PHEX: variants seen among roughly 807,000 people sequenced by gnomAD.
PHEX encodes the protein phosphate-regulating neutral endopeptidase PHEX.
PHEX carries 16 observed loss-of-function variants against 68.0 expected under a neutral mutation model. That is an observed-to-expected ratio of 0.24 (90% confidence interval 0.16 to 0.36). PHEX has a LOEUF of 0.36. Among genes scored for constraint, PHEX ranks in the 10% least tolerant of loss-of-function variants. PHEX has a pLI of 1.00. For synonymous variants in PHEX, 208 were observed against 205.1 expected, an observed-to-expected ratio of 1.01 and a Z score of -0.12; for missense variants, 480 against 575.5, an observed-to-expected ratio of 0.83 and a Z score of 1.70.
intron 6 of PHEX, among the ~76,000 whole-genome samples, chrX:22,090,724 T>A (rs1289943689): frequency 8.9e-6 from 1 of 112,149 alleles, no homozygotes; most frequent in African/African-American, 3.2e-5. Flanking sequence ...TTATCTAGCT[T>A]GGGAGACAGC....
chrX:22,195,294 T>C (rs1027271304), intron 15 of PHEX, among the ~76,000 whole-genome samples: 1 of 112,017 alleles, frequency 8.9e-6, no homozygotes, highest in Non-Finnish European at 1.9e-5. Flanking sequence ...TTCAAACTTT[T>C]GCCCTCAAGA....
chrX:22,229,812 GC>G (rs1935649109), intron 20 of PHEX, among the ~76,000 whole-genome samples: 1 of 112,001 alleles, frequency 8.9e-6, no homozygotes, highest in Non-Finnish European at 1.9e-5. Flanking sequence ...TGAAGTCTTT[GC>G]CCATGCCTAT....
At chrX:22,151,615 G>A (rs776512731) in intron 12 of PHEX, among the ~76,000 whole-genome samples, 58 of 111,261 alleles carry the variant, frequency 5.2e-4, no homozygotes, top group South Asian at 2.3e-3. Context: ...TTCTCTCCCC[G>A]AGGTGCCATT....
intron 18 of PHEX, 30 bp from the exon 19 acceptor site, chrX:22,226,413 T>A (rs773626221): frequency 2.2e-5 from 13 of 597,892 alleles, no homozygotes; most frequent in Non-Finnish European, 3.2e-5. Flanking sequence ...ACGCATTCAT[T>A]TTTTTTTTTT....
intron 1 of PHEX, among the ~76,000 whole-genome samples, chrX:22,036,885 T>C (rs1185830786): frequency 5.5e-5 from 6 of 108,722 alleles, no homozygotes; most frequent in East Asian, 2.9e-4. Context: ...ATCATGAGGT[T>C]AGGAGATCGA....
chrX:22,045,632 A>G (rs758493197), intron 2 of PHEX, among the ~76,000 whole-genome samples: 1 of 112,776 alleles, frequency 8.9e-6, no homozygotes, highest in South Asian at 3.6e-4. Context: ...AGATCAGTCT[A>G]TTGTGTCTTT....
intron 3 of PHEX, among the ~76,000 whole-genome samples, chrX:22,067,126 C>T (rs758718344): frequency 1.3e-4 from 14 of 109,865 alleles, no homozygotes; most frequent in Non-Finnish European, 2.7e-4. Context: ...CCTGTGGTCC[C>T]AGCTACTCAG....
intron 3 of PHEX, among the ~76,000 whole-genome samples, chrX:22,062,993 T>G (rs753135402): frequency 2.2e-4 from 24 of 111,474 alleles, no homozygotes; most frequent in Non-Finnish European, 1.5e-4. Context: ...ACCCCTGACC[T>G]CAAGTGATCC....
chrX:22,104,002 C>T lies in PHEX; in HGVS notation c.1079+4851C>T, dbSNP rs142832331. Among the ~76,000 whole-genome samples, 923 of 111,971 alleles carry T rather than the reference C, an allele frequency of 8.2e-3. 8 individuals are homozygous for T. Among genetic ancestry groups the T allele is most frequent in the South Asian group, 0.017 (46 of 2,706 alleles). The stretch of plus-strand genomic sequence containing the variant: ...TGATTTTTGATTATGGCCATTCTCA[C>T]AGGAGTGAGGTGGTATCTCATTGTG... On this transcript the variant is annotated intron_variant, in intron 9 of 21. Coordinates refer to ENST00000379374, the MANE Select transcript of PHEX (RefSeq NM_000444.6).
At position 22,233,374 on chromosome X, in the gene PHEX, A is replaced by C. The variant is rs145416146; in HGVS notation, c.2070+5763A>C. Among the ~76,000 whole-genome samples, 232 of 111,330 alleles carry C rather than the reference A, an allele frequency of 2.1e-3. 2 individuals carry two copies. The highest frequency in any genetic ancestry group is 7.1e-3 in the African/African-American group (216 of 30,592). Reference sequence around the variant, plus strand: ...TGGGCCTGTCTTGCTAGGGAGGGGAAGTTCTCCTGGATAATATCCTGAAGA... The same window carrying C: ...TGGGCCTGTCTTGCTAGGGAGGGGACGTTCTCCTGGATAATATCCTGAAGA... On this transcript the variant is annotated intron_variant, in intron 20 of 21. Coordinates refer to ENST00000379374, the MANE Select transcript of PHEX (RefSeq NM_000444.6).
intron 20 of PHEX, among the ~76,000 whole-genome samples, chrX:22,243,663 C>A (rs1936301077): frequency 8.9e-6 from 1 of 112,135 alleles, no homozygotes; most frequent in South Asian, 3.7e-4. Context: ...ATGCAGCCAA[C>A]AAACATATGA....
At chrX:22,041,265 C>CTCTATATATATA (rs1468778300) in intron 2 of PHEX, among the ~76,000 whole-genome samples, 7 of 72,817 alleles carry the variant, frequency 9.6e-5, no homozygotes, top group East Asian at 4.3e-4. Context: ...CTCTCTCTCT[C>CTCTATATATATA]TATATATATA....
At chrX:22,134,671 A>G (rs1389256436) in intron 12 of PHEX, among the ~76,000 whole-genome samples, 1 of 112,725 alleles carries the variant, frequency 8.9e-6, no homozygotes, top group African/African-American at 3.2e-5. Flanking sequence ...TGGGTGGAGC[A>G]TACCTGCTAG....
At chrX:22,040,251 C>G (rs1602246099) in intron 2 of PHEX, among the ~76,000 whole-genome samples, 1 of 112,152 alleles carries the variant, frequency 8.9e-6, no homozygotes, top group Non-Finnish European at 1.9e-5. Flanking sequence ...AACAAATTCA[C>G]CAAATATTTG....
chrX:22,157,023 C>T (rs1932969678), intron 12 of PHEX, among the ~76,000 whole-genome samples: 1 of 111,444 alleles, frequency 9.0e-6, no homozygotes, highest in Non-Finnish European at 1.9e-5. Flanking sequence ...GCTGGGATTT[C>T]AGGTGCAAGC....
Position 22,237,302 on chromosome X carries a change from G to A in PHEX, c.2071-8031G>A, listed in dbSNP as rs189499862. ...CAGCTTCTGAGGAAATCAAGGGATCGCATTACAAAACATCATCTTCAAAGT... is the reference window on the plus strand; with the variant it reads ...CAGCTTCTGAGGAAATCAAGGGATCACATTACAAAACATCATCTTCAAAGT... On this transcript the variant is annotated intron_variant, in intron 20 of 21. Coordinates refer to ENST00000379374, the MANE Select transcript of PHEX (RefSeq NM_000444.6). 8.0e-5 allele frequency among the ~76,000 whole-genome samples: 9 copies of A among 111,895 alleles called. No individual in the cohort carries two copies. In the East Asian group the frequency reaches 1.1e-3, roughly 14 times the overall value.
chrX:22,080,562 C>A (rs1309490295), intron 5 of PHEX, among the ~76,000 whole-genome samples: 5 of 111,479 alleles, frequency 4.5e-5, no homozygotes, highest in Non-Finnish European at 9.4e-5. Flanking sequence ...AATTAGCGTA[C>A]TGGTGGCTGC....
intron 15 of PHEX, among the ~76,000 whole-genome samples, chrX:22,208,324 G>A (rs969725432): frequency 2.7e-5 from 3 of 111,686 alleles, no homozygotes; most frequent in Non-Finnish European, 5.6e-5. Flanking sequence ...TATGTAAGAA[G>A]ATAAATGGTA....
chrX:22,098,112 T>A (rs77048059), intron 8 of PHEX: 17,954 of 104,508 alleles, frequency 0.17, 1,280 homozygotes, highest in Admixed American at 0.22. Flanking sequence ...TTTTTTTTTT[T>A]AAAAACTGTG....
Sources: gnomAD v4.1 joint callset for allele counts (sites outside exome capture counted in the v4.1 genomes callset) on GRCh38, gnomAD v4.1.1 for gene constraint, MANE v1.5 for transcripts, NCBI Gene and HGNC (gene_info 2026-07-23, HGNC 2026-07-21) for gene names.